Variants in PPP3CB observed in about 807,000 individuals in gnomAD.
The protein encoded by PPP3CB is serine/threonine-protein phosphatase 2B catalytic subunit beta isoform.
In PPP3CB, 8 loss-of-function variants were observed where a neutral mutation model predicts 66.4. That is an observed-to-expected ratio of 0.12 (90% CI 0.07 to 0.22). The LOEUF (loss-of-function observed/expected upper bound fraction) is 0.22, where lower values mean the gene tolerates loss of function less well. Ranked by LOEUF, PPP3CB falls within the 10% of genes least tolerant of loss-of-function variation. PPP3CB has a pLI of 1.00. For synonymous variants in PPP3CB, 208 were observed against 221.2 expected, an observed-to-expected ratio of 0.94 and a Z score of 0.53; for missense variants, 319 against 642.5, an observed-to-expected ratio of 0.50 and a Z score of 5.44.
At chr10:73,451,395 C>A (rs574212789) in intron 10 of PPP3CB, among the ~76,000 whole-genome samples, 1 of 151,776 alleles carries the variant, frequency 6.6e-6, no homozygotes, top group South Asian at 2.1e-4. Flanking sequence ...AAATAAGAGA[C>A]ACCAGTTGTA....
intron 4 of PPP3CB, among the ~76,000 whole-genome samples, chr10:73,472,760 G>A (rs1403123644): frequency 1.3e-5 from 2 of 152,074 alleles, no homozygotes; most frequent in African/African-American, 4.8e-5. Context: ...GGTTCCTCTT[G>A]CCTACAATGA....
intron 10 of PPP3CB, among the ~76,000 whole-genome samples, chr10:73,451,588 A>AGAAGGAAG (rs140235442): frequency 3.6e-4 from 54 of 151,724 alleles, no homozygotes; most frequent in African/African-American, 1.3e-3. Context: ...AGAGAAAGGA[A>AGAAGGAAG]GAAGGAAGGA....
rs1057032152 is a variant in PPP3CB, at chr10:73,468,277, GAAT to G, written c.983-602_983-600del. On this transcript the variant is annotated intron_variant, in intron 8 of 13. Coordinates refer to ENST00000360663, the MANE Select transcript of PPP3CB (RefSeq NM_021132.4). ...AAAATCCTACTAAAACACCAAAAGAGAATATTATAACCAAACAATCCAGAGATA... is the reference window on the plus strand; with the variant it reads ...AAAATCCTACTAAAACACCAAAAGAGATTATAACCAAACAATCCAGAGATA... Among the ~76,000 whole-genome samples, 20 of 152,112 alleles carry G rather than the reference GAAT, an allele frequency of 1.3e-4. No individual in the cohort carries two copies. In the South Asian group the frequency reaches 1.9e-3, roughly 14 times the overall value.
chr10:73,454,851 G>A lies in PPP3CB; in HGVS notation c.1109-362C>T, dbSNP rs78627970. On this transcript the variant is annotated intron_variant, in intron 9 of 13. Coordinates refer to ENST00000360663, the MANE Select transcript of PPP3CB (RefSeq NM_021132.4). Reference sequence around the variant, plus strand: ...AAAAAATCATGGCAGAGTTTTAGTGGTTCCAAAAAGTCTCAGGATTTAATC... The same window carrying A: ...AAAAAATCATGGCAGAGTTTTAGTGATTCCAAAAAGTCTCAGGATTTAATC... 7.4e-3 allele frequency among the ~76,000 whole-genome samples: 1,117 copies of A among 151,556 alleles called. 10 individuals carry two copies. The highest frequency in any genetic ancestry group is 0.012 in the Non-Finnish European group (820 of 67,888).
rs1228756378 is a variant in PPP3CB at position 73,475,039 on chromosome 10, G to T, written c.412-9C>A. 3 of 1,604,294 alleles carry T rather than the reference G, an allele frequency of 1.9e-6. No individual in the cohort carries two copies. The African/African-American group carries it at 4.0e-5, about 22-fold the overall frequency. ...CATAAATATAAGACACACTGCAAAA[G>T]AAAATTTTTCTAGTGAATTTATCTT... On this transcript the variant is annotated splice_polypyrimidine_tract_variant and intron_variant, in intron 3 of 13. Coordinates refer to ENST00000360663, the MANE Select transcript of PPP3CB (RefSeq NM_021132.4).
At chr10:73,446,640 T>C (rs976978426) in intron 10 of PPP3CB, 67 bp from the exon 11 acceptor site, 123 of 1,442,742 alleles carry the variant, frequency 8.5e-5, no homozygotes, top group Middle Eastern at 1.7e-4. Flanking sequence ...CAATATTCTA[T>C]TAGCCTGTTC....
At chr10:73,446,347 G>A (rs769615811) in intron 11 of PPP3CB, 145 bp downstream of exon 11, 24 of 720,924 alleles carry the variant, frequency 3.3e-5, no homozygotes, top group East Asian at 2.7e-4. Flanking sequence ...TGATCCGCCC[G>A]CCTTGGCATC....
At chr10:73,468,832 A>G (rs544844433) in intron 8 of PPP3CB, among the ~76,000 whole-genome samples, 4 of 152,348 alleles carry the variant, frequency 2.6e-5, no homozygotes, top group African/African-American at 7.2e-5. Flanking sequence ...AAGTGGGAAA[A>G]AAGAGTATTT....
chr10:73,467,581 C>T lies in PPP3CB; in HGVS notation c.1080G>A (p.Thr360=), dbSNP rs763528856. 2.3e-5 allele frequency: 37 copies of T among 1,582,514 alleles called. No homozygotes were observed. The South Asian group carries it at 3.5e-4, about 15-fold the overall frequency. The part of the protein sequence containing the change: ...YWLPNFMDVF[T]WSLPFVGEKV... ...TTTCTCCAACAAACGGTAAAGACCA[C>T]GTGAAGACATCCATAAAATTAGGCA... is the stretch of plus-strand genomic sequence containing the variant. Residue 360 remains threonine (T), a synonymous_variant, in exon 9 of 14, where the codon ACG becomes ACA. Coordinates refer to ENST00000360663, the MANE Select transcript of PPP3CB (RefSeq NM_021132.4).
intron 9 of PPP3CB, 189 bp downstream of exon 9, chr10:73,467,364 C>A (rs2056634479): frequency 2.8e-6 from 1 of 359,456 alleles, no homozygotes; most frequent in Non-Finnish European, 4.9e-6. Flanking sequence ...GACAGCCTCA[C>A]ATGGGGGCTG....
chr10:73,495,249 C>T (rs915591992), intron 1 of PPP3CB, among the ~76,000 whole-genome samples: 3 of 152,206 alleles, frequency 2.0e-5, no homozygotes, highest in Non-Finnish European at 4.4e-5. Flanking sequence ...GTGATCCAAT[C>T]CCACAAGGTT....
intron 9 of PPP3CB, among the ~76,000 whole-genome samples, chr10:73,466,620 T>A (rs2056621290): frequency 6.6e-6 from 1 of 152,244 alleles, no homozygotes; most frequent in Admixed American, 6.5e-5. Flanking sequence ...TTGGACCTAC[T>A]GAGTAAATGA....
chr10:73,449,679 G>A (rs2056314032), intron 10 of PPP3CB, among the ~76,000 whole-genome samples: 1 of 152,044 alleles, frequency 6.6e-6, no homozygotes. Context: ...TGCTATGTGG[G>A]TTTATACATT....
chr10:73,457,483 A>T (rs768199262), intron 9 of PPP3CB, among the ~76,000 whole-genome samples: 6 of 152,060 alleles, frequency 3.9e-5, no homozygotes, highest in Non-Finnish European at 7.4e-5. Context: ...TCATGCCTGT[A>T]ATCCCAGCAT....
intron 9 of PPP3CB, among the ~76,000 whole-genome samples, chr10:73,465,576 G>A (rs776700520): frequency 9.2e-5 from 14 of 152,114 alleles, no homozygotes; most frequent in Non-Finnish European, 1.5e-4. Context: ...AAAAAAAATA[G>A]TGGGGGTTTT....
At chr10:73,448,016 C>T (rs1235544238) in intron 10 of PPP3CB, among the ~76,000 whole-genome samples, 2 of 151,818 alleles carry the variant, frequency 1.3e-5, no homozygotes, top group African/African-American at 4.8e-5. Context: ...GACAAAGAAA[C>T]TGAGGTTATT....
intron 3 of PPP3CB, 132 bp from the exon 4 acceptor site, chr10:73,475,162 G>A: frequency 8.1e-7 from 1 of 1,237,642 alleles, no homozygotes. Flanking sequence ...TAAAATATAA[G>A]CACCACAAAA....
chr10:73,463,540 AG>A (rs2056566127), intron 9 of PPP3CB, among the ~76,000 whole-genome samples: 1 of 152,252 alleles, frequency 6.6e-6, no homozygotes. Context: ...ACTCAGGCTC[AG>A]GAAGTTCTCT....
intron 9 of PPP3CB, among the ~76,000 whole-genome samples, chr10:73,459,673 A>C (rs2132862066): frequency 6.6e-6 from 1 of 152,352 alleles, no homozygotes; most frequent in African/African-American, 2.4e-5. Context: ...ACCACAGATA[A>C]ACCTTGAGAC....
Sources: allele counts gnomAD v4.1 joint callset (sites outside exome capture counted in the v4.1 genomes callset), GRCh38; gene constraint gnomAD v4.1.1; transcripts MANE v1.5; gene names NCBI Gene and HGNC (gene_info 2026-07-23, HGNC 2026-07-21).